The following CASP8 variants were observed in gnomAD, a reference collection of about 807,000 sequenced individuals.
CASP8 encodes caspase 8.
A neutral mutation model predicts 46.3 loss-of-function variants in CASP8; 24 were observed. That is an observed-to-expected ratio of 0.52 (90% CI 0.38 to 0.73). The LOEUF is 0.73. CASP8 is among the 30% of genes least tolerant of loss of function. The pLI is 0.00. For synonymous variants in CASP8, 188 were observed against 200.4 expected, an observed-to-expected ratio of 0.94 and a Z score of 0.52; for missense variants, 460 against 559.0, an observed-to-expected ratio of 0.82 and a Z score of 1.79.
upstream of CASP8, chr2:201,258,350 A>G (rs973903005): frequency 1.2e-6 from 2 of 1,613,664 alleles, no homozygotes; most frequent in Non-Finnish European, 1.7e-6. Context: ...GGGGACTCGG[A>G]GACTGCGATG....
intron 1 of CASP8, among the ~76,000 whole-genome samples, chr2:201,262,665 C>T (rs1414874701): frequency 6.6e-6 from 1 of 152,074 alleles, no homozygotes; most frequent in African/African-American, 2.4e-5. Context: ...ACAAGTGTTA[C>T]TTTTACTGTT....
intron 2 of CASP8, among the ~76,000 whole-genome samples, chr2:201,237,203 A>G (rs1258957185): frequency 7.0e-6 from 1 of 143,352 alleles, no homozygotes; most frequent in Non-Finnish European, 1.5e-5. Context: ...AGATTCTCCC[A>G]CCTCAGCCTC....
rs1331634883 is a variant in CASP8 at position 201,287,433 on chromosome 2, T to C, written c.*839T>C. On this transcript the variant is annotated 3_prime_UTR_variant, in exon 9 of 9. Coordinates refer to ENST00000673742, the MANE Select transcript of CASP8 (RefSeq NM_001372051.1). ...TTTTTTTTAATAAAACAAAATTTGT[T>C]TGAAATCTTTTAAAAATTCAAATGA... The C allele has an allele frequency of 2.6e-5, 4 of 154,668 alleles. No homozygotes were observed. The highest frequency in any genetic ancestry group is 2.9e-5 in the Non-Finnish European group (2 of 68,214). 9.6% of individuals were successfully genotyped at this position (154,668 alleles called of 1,614,324 possible). A position where few individuals can be genotyped will look rare whatever the true frequency, so the allele number is the denominator to read the frequency against.
At chr2:201,249,933 A>G (rs753206095) in intron 2 of CASP8, among the ~76,000 whole-genome samples, 19 of 152,226 alleles carry the variant, frequency 1.2e-4, no homozygotes, top group Non-Finnish European at 2.5e-4. Context: ...AGAACCCTAT[A>G]ACAGAAGACA....
chr2:201,279,689 T>A (rs1559366806), intron 7 of CASP8, among the ~76,000 whole-genome samples: 1 of 152,136 alleles, frequency 6.6e-6, no homozygotes, highest in Non-Finnish European at 1.5e-5. Flanking sequence ...CTTGGTACGG[T>A]GGCGTGAAAA....
rs2125482838 is a variant in CASP8 at position 201,285,004 on chromosome 2, G to A, written c.991G>A (p.Ala331Thr). 6.2e-7 allele frequency: 1 copy of A among 1,614,084 alleles called. No individual in the cohort carries two copies. Among genetic ancestry groups the A allele is most frequent in the Non-Finnish European group, 8.5e-7 (1 of 1,179,972 alleles). ...GIIYGTDGQE[A>T]PIYELTSQFT... ...CATCTATGGCACTGATGGACAGGAG[G>A]CCCCCATCTATGAGCTGACATCTCA... The change falls in exon 8 of 9, where the codon GCC becomes ACC. Residue 331 changes from alanine (A) to threonine (T), a missense_variant. Transcript: ENST00000673742.
At position 201,266,100 on chromosome 2, in the gene CASP8, C is replaced by T. The variant is rs1391925305; in HGVS notation, c.-26-361C>T. On this transcript the variant is annotated intron_variant, in intron 1 of 8. Coordinates refer to ENST00000673742, the MANE Select transcript of CASP8 (RefSeq NM_001372051.1). The surrounding 1 kb of genome is among the most constrained non-coding windows in gnomAD (Gnocchi z 5.7). Reference sequence around the variant, plus strand: ...GTTCAAGCGATTCTCCTGCCCCAGCCTCCTGAGTAGCTGGGATTACAGGCA... The same window carrying T: ...GTTCAAGCGATTCTCCTGCCCCAGCTTCCTGAGTAGCTGGGATTACAGGCA... Among the ~76,000 whole-genome samples, 1 of 152,122 alleles carries T rather than the reference C, an allele frequency of 6.6e-6. No homozygotes were observed. Among genetic ancestry groups the T allele is most frequent in the Non-Finnish European group, 1.5e-5 (1 of 68,016 alleles).
In CASP8 at chr2:201,234,456, A is replaced by AT. The variant is rs548495312; in HGVS notation, c.-27+355dup. ...ACATAGTGAAAAGTTATTCTTTTTTATTTTTTTTTTTGAGAGGGAGTCTTG... is the reference window on the plus strand; with the variant it reads ...ACATAGTGAAAAGTTATTCTTTTTTATTTTTTTTTTTTGAGAGGGAGTCTTG... On this transcript the variant is annotated intron_variant, in intron 2 of 6. Coordinates refer to the CASP8 transcript ENST00000264274. 1.1e-3 allele frequency among the ~76,000 whole-genome samples: 155 copies of AT among 147,536 alleles called. 1 individual carries two copies. Among genetic ancestry groups the AT allele is most frequent in the Middle Eastern group, 3.5e-3 (1 of 284 alleles).
chr2:201,264,473 C>T (rs1947654562), intron 1 of CASP8, among the ~76,000 whole-genome samples: 2 of 151,810 alleles, frequency 1.3e-5, no homozygotes, highest in South Asian at 2.1e-4. Context: ...CAGGGTAGAC[C>T]TGAACTCCTG....
At chr2:201,252,531 G>A (rs1258209129) in intron 2 of CASP8, among the ~76,000 whole-genome samples, 1 of 152,164 alleles carries the variant, frequency 6.6e-6, no homozygotes, top group Non-Finnish European at 1.5e-5. Context: ...GTATGGTTGA[G>A]TTTTAAGAGT....
chr2:201,254,742 A>G (rs1946939984), intron 2 of CASP8, among the ~76,000 whole-genome samples: 1 of 152,178 alleles, frequency 6.6e-6, no homozygotes, highest in African/African-American at 2.4e-5. Flanking sequence ...CGGCTGGTGG[A>G]CATGGTAGGA....
intron 2 of CASP8, among the ~76,000 whole-genome samples, chr2:201,267,352 G>T (rs1225264495): frequency 6.6e-6 from 1 of 152,056 alleles, no homozygotes; most frequent in Non-Finnish European, 1.5e-5. Flanking sequence ...TTTTCAATGA[G>T]ATTTAAGGGT....
At chr2:201,233,701 G>C (rs1357159823) in intron 1 of CASP8, 2 of 152,266 alleles carry the variant, frequency 1.3e-5, no homozygotes, top group Non-Finnish European at 2.9e-5. Context: ...CACGTGAAAA[G>C]ATGGAGGCTG....
chr2:201,266,861 CTTTTTTTTG>C lies in CASP8; in HGVS notation c.305+72_305+80del. The C allele has an allele frequency of 8.2e-7, 1 of 1,224,138 alleles. No homozygotes were observed. The highest frequency in any genetic ancestry group is 1.4e-5 in the South Asian group (1 of 71,318). 75.8% of individuals were successfully genotyped at this position (1,224,138 alleles called of 1,614,324 possible). ...TGGACAGCCTCTGAGCTGATTGGGG[CTTTTTTTTG>C]TGGTACCCTGCCTAGTGCCTGGGAA... On this transcript the variant is annotated intron_variant, in intron 2 of 8. Transcript: ENST00000673742. The surrounding 1 kb of genome is among the most constrained non-coding windows in gnomAD (Gnocchi z 5.7).
chr2:201,272,812 C>G lies in CASP8; in HGVS notation c.550+36C>G. On this transcript the variant is annotated intron_variant, in intron 4 of 8. Coordinates refer to ENST00000673742, the MANE Select transcript of CASP8 (RefSeq NM_001372051.1). This position sits in a 1 kb window ranked among gnomAD's most constrained non-coding sequence, Gnocchi z 4.4. ...CCTGACAGCCGGGAATCGGCAAAAC[C>G]TACTCTAAAATTGAAACTGACAAAT... is the stretch of plus-strand genomic sequence containing the variant. The G allele has an allele frequency of 6.2e-7, 1 of 1,614,124 alleles. No homozygotes were observed. Among genetic ancestry groups the G allele is most frequent in the Non-Finnish European group, 8.5e-7 (1 of 1,179,954 alleles).
rs1351737115 is a variant in CASP8, at chr2:201,286,986, G to GTT, written c.*395_*396dup. 4.5e-6 allele frequency: 1 copy of GTT among 223,762 alleles called. No individual in the cohort carries two copies. Among genetic ancestry groups the GTT allele is most frequent in the African/African-American group, 2.3e-5 (1 of 43,322 alleles). The allele number at this position is 223,762 out of a possible 1,614,324, so 13.9% of individuals were successfully genotyped here. On this transcript the variant is annotated 3_prime_UTR_variant, in exon 9 of 9. Transcript: ENST00000673742. ...TTCTAGATTTTCTACTTTATTAATTGTTTTGCACTTTTTTATAAGAGCTAA... is the reference window on the plus strand; with the variant it reads ...TTCTAGATTTTCTACTTTATTAATTGTTTTTTGCACTTTTTTATAAGAGCTAA...
Position 201,266,475 on chromosome 2 carries a change from C to T in CASP8, c.-12C>T, listed in dbSNP as rs200484909. 2 of 1,611,634 alleles carry T rather than the reference C, an allele frequency of 1.2e-6. No homozygotes were observed. The highest frequency in any genetic ancestry group is 1.7e-6 in the Non-Finnish European group (2 of 1,177,868). On this transcript the variant is annotated 5_prime_UTR_variant, in exon 2 of 9. Transcript: ENST00000673742. The surrounding 1 kb of genome is among the most constrained non-coding windows in gnomAD (Gnocchi z 5.7). ...TTTTGACTTAGATTATATTCTCCTG[C>T]CTTTTAAAAAGATGGACTTCAGCAG...
chr2:201,251,955 C>T (rs555564128), intron 2 of CASP8, among the ~76,000 whole-genome samples: 3 of 151,970 alleles, frequency 2.0e-5, no homozygotes, highest in African/African-American at 4.8e-5. Context: ...CCAAAGTGTC[C>T]GTATGAGTTT....
Position 201,266,424 on chromosome 2 carries a change from TC to T in CASP8, c.-26-36del, listed in dbSNP as rs747069109. 2.0e-6 allele frequency: 3 copies of T among 1,521,706 alleles called. No homozygotes were observed. The South Asian group carries it at 3.4e-5, about 17-fold the overall frequency. 94.3% of individuals were successfully genotyped at this position (1,521,706 alleles called of 1,614,324 possible). A position where few individuals can be genotyped will look rare whatever the true frequency, so the allele number is the denominator to read the frequency against. ...TGAACAAGCCAGCAAATGGTACTTTTCTTCCTTATCTGAACATACCATTTAT... is the reference window on the plus strand; with the variant it reads ...TGAACAAGCCAGCAAATGGTACTTTTTTCCTTATCTGAACATACCATTTAT... On this transcript the variant is annotated intron_variant, in intron 1 of 8. Coordinates refer to ENST00000673742, the MANE Select transcript of CASP8 (RefSeq NM_001372051.1). This position sits in a 1 kb window ranked among gnomAD's most constrained non-coding sequence, Gnocchi z 5.7.
Sources: allele counts gnomAD v4.1 joint callset (sites outside exome capture counted in the v4.1 genomes callset), GRCh38; gene constraint gnomAD v4.1.1; non-coding constraint Gnocchi (gnomAD v3.1); transcripts MANE v1.5; gene names NCBI Gene and HGNC (gene_info 2026-07-23, HGNC 2026-07-21).